ROR1: variants seen among roughly 807,000 people sequenced by gnomAD.
ROR1 encodes the protein ROR family WNT receptor 1, also known as inactive tyrosine-protein kinase transmembrane receptor ROR1.
ROR1 carries 19 observed loss-of-function variants against 78.8 expected under a neutral mutation model. The ratio of observed to expected loss-of-function variants is 0.24; its 90% CI spans 0.17 to 0.35. ROR1 has a LOEUF of 0.35. Ranked by LOEUF, ROR1 falls within the 10% of genes least tolerant of loss-of-function variation. The probability of loss-of-function intolerance (pLI) is 1.00; values close to 1 mark genes in which losing one functional copy is unlikely to be tolerated. For synonymous variants in ROR1, 386 were observed against 433.6 expected (o/e 0.89, Z 1.36); for missense variants, 917 against 1,177.8 (o/e 0.78, Z 3.24).
At chr1:63,949,525 C>T (rs1645916993) in intron 1 of ROR1, among the ~76,000 whole-genome samples, 1 of 152,152 alleles carries the variant, frequency 6.6e-6, no homozygotes, top group Admixed American at 6.5e-5. Context: ...GAAACAGAGG[C>T]TTAGAGTGTT....
intron 1 of ROR1, among the ~76,000 whole-genome samples, chr1:63,805,869 A>G (rs1478945136): frequency 1.3e-5 from 2 of 152,208 alleles, no homozygotes; most frequent in Non-Finnish European, 2.9e-5. Flanking sequence ...TATTTAAAAA[A>G]TTAGCCTGGT....
intron 1 of ROR1, among the ~76,000 whole-genome samples, chr1:63,863,768 ATTGT>A (rs1300815921): frequency 1.7e-4 from 26 of 150,350 alleles, no homozygotes; most frequent in African/African-American, 6.4e-4. Flanking sequence ...ATTGTATTGT[ATTGT>A]ATTGTATTGT....
chr1:63,845,717 T>C (rs1645076367), intron 1 of ROR1, among the ~76,000 whole-genome samples: 1 of 152,236 alleles, frequency 6.6e-6, no homozygotes, highest in African/African-American at 2.4e-5. Flanking sequence ...TGATCTCTGA[T>C]ACCTGCATGC....
intron 1 of ROR1, among the ~76,000 whole-genome samples, chr1:63,933,623 G>A (rs1299396963): frequency 6.6e-6 from 1 of 152,160 alleles, no homozygotes; most frequent in Non-Finnish European, 1.5e-5. Context: ...CAACTGCTTT[G>A]TACGTTTTAT....
intron 1 of ROR1, among the ~76,000 whole-genome samples, chr1:63,890,089 A>G (rs1402061273): frequency 6.6e-6 from 1 of 152,054 alleles, no homozygotes; most frequent in Non-Finnish European, 1.5e-5. Context: ...GTCGTGACCT[A>G]CTTAAGGGAA....
At chr1:63,786,827 C>T (rs910795832) in intron 1 of ROR1, among the ~76,000 whole-genome samples, 3 of 152,034 alleles carry the variant, frequency 2.0e-5, no homozygotes, top group East Asian at 1.9e-4. Flanking sequence ...GCCCAAGAGG[C>T]GCAGCTCCAC....
chr1:63,909,017 C>T (rs1373734608), intron 1 of ROR1, among the ~76,000 whole-genome samples: 1 of 152,168 alleles, frequency 6.6e-6, no homozygotes, highest in Non-Finnish European at 1.5e-5. Context: ...CTGTTCTGAC[C>T]CATATGTGGT....
At chr1:63,909,341 G>A (rs934337091) in intron 1 of ROR1, among the ~76,000 whole-genome samples, 1 of 152,112 alleles carries the variant, frequency 6.6e-6, no homozygotes, top group African/African-American at 2.4e-5. Context: ...TTTAGTGAAT[G>A]GATTTTATTA....
chr1:63,926,012 A>G (rs1160575521), intron 1 of ROR1, among the ~76,000 whole-genome samples: 1 of 151,130 alleles, frequency 6.6e-6, no homozygotes, highest in Non-Finnish European at 1.5e-5. Flanking sequence ...GAAGCTCTTT[A>G]GTTTAATTAG....
chr1:64,170,728 C>A (rs1650213386), intron 8 of ROR1, among the ~76,000 whole-genome samples: 1 of 152,134 alleles, frequency 6.6e-6, no homozygotes, highest in Non-Finnish European at 1.5e-5. Context: ...TTTAACAGCA[C>A]CCAAATCACC....
chr1:64,133,231 C>G (rs995793647), intron 4 of ROR1, among the ~76,000 whole-genome samples: 2 of 152,110 alleles, frequency 1.3e-5, no homozygotes, highest in African/African-American at 4.8e-5. Flanking sequence ...ATGTCCGCAT[C>G]GAAGTGCATC....
intron 4 of ROR1, among the ~76,000 whole-genome samples, chr1:64,096,921 T>A (rs1444042999): frequency 2.5e-5 from 3 of 120,712 alleles, no homozygotes; most frequent in Admixed American, 8.5e-5. Flanking sequence ...TTTTTTTTTT[T>A]AATAATAGCC....
At chr1:64,142,303 G>A in intron 6 of ROR1, 102 bp from the exon 7 acceptor site, 2 of 1,516,720 alleles carry the variant, frequency 1.3e-6, no homozygotes, top group Non-Finnish European at 1.8e-6. Context: ...GTGGCCACGA[G>A]GTTAATTACC....
chr1:64,010,133 TCC>T (rs1646464191), intron 2 of ROR1, among the ~76,000 whole-genome samples: 1 of 152,080 alleles, frequency 6.6e-6, no homozygotes, highest in Non-Finnish European at 1.5e-5. Context: ...ATACTCATTC[TCC>T]CCCTTTTGCA....
At chr1:63,836,970 A>G (rs1232824616) in intron 1 of ROR1, among the ~76,000 whole-genome samples, 3 of 152,214 alleles carry the variant, frequency 2.0e-5, no homozygotes, top group Admixed American at 6.5e-5. Flanking sequence ...CAGCATCAAG[A>G]CATCGGTTCC....
chr1:64,130,937 G>A lies in ROR1; in HGVS notation c.483-6432G>A, dbSNP rs895729412. ...TCGAGGTTACTAGAGCCATTATGTG[G>A]CCATGCTTTTAACCAGATCTGCTAA... On this transcript the variant is annotated intron_variant, in intron 4 of 8. Coordinates refer to ENST00000371079, the MANE Select transcript of ROR1 (RefSeq NM_005012.4). Among the ~76,000 whole-genome samples the A allele has an allele frequency of 3.3e-5, 5 of 152,278 alleles. No homozygotes were observed. In the South Asian group the frequency reaches 6.2e-4, roughly 19 times the overall value.
intron 1 of ROR1, among the ~76,000 whole-genome samples, chr1:63,824,089 A>C (rs774070697): frequency 2.0e-5 from 3 of 152,224 alleles, no homozygotes; most frequent in Non-Finnish European, 2.9e-5. Flanking sequence ...AATATGAATT[A>C]ATACAATGAG....
chr1:63,895,096 T>A (rs1557548723), intron 1 of ROR1, among the ~76,000 whole-genome samples: 1 of 152,172 alleles, frequency 6.6e-6, no homozygotes, highest in Non-Finnish European at 1.5e-5. Flanking sequence ...AGTATGTGAT[T>A]TGATCAGGGC....
intron 1 of ROR1, among the ~76,000 whole-genome samples, chr1:63,851,346 T>A (rs953787309): frequency 6.6e-6 from 1 of 152,224 alleles, no homozygotes; most frequent in Non-Finnish European, 1.5e-5. Flanking sequence ...GAGCAGATTT[T>A]CTTTTCTGCT....
Sources: gnomAD v4.1 joint callset for allele counts (sites outside exome capture counted in the v4.1 genomes callset) on GRCh38, gnomAD v4.1.1 for gene constraint, MANE v1.5 for transcripts, NCBI Gene and HGNC (gene_info 2026-07-23, HGNC 2026-07-21) for gene names.